Variants in NUMB observed in about 807,000 individuals in gnomAD.
NUMB encodes protein numb homolog.
A neutral mutation model predicts 59.7 loss-of-function variants in NUMB; 29 were observed. The ratio of observed to expected loss-of-function variants is 0.49; its 90% CI spans 0.36 to 0.66. The LOEUF (loss-of-function observed/expected upper bound fraction) is 0.66, where lower values mean the gene tolerates loss of function less well. Ranked by LOEUF, NUMB falls within the 30% of genes least tolerant of loss-of-function variation. The pLI is 0.00. For synonymous variants in NUMB, 288 were observed against 288.2 expected, an observed-to-expected ratio of 1.00 and a Z score of 0.01; for missense variants, 723 against 822.0, an observed-to-expected ratio of 0.88 and a Z score of 1.47.
intron 9 of NUMB, 199 bp from the exon 10 acceptor site, chr14:73,284,573 C>A (rs1888855527): frequency 2.0e-6 from 1 of 507,506 alleles, no homozygotes; most frequent in Non-Finnish European, 3.5e-6. Context: ...TGTCACAAAG[C>A]ATATCTACTA....
chr14:73,294,950 T>TTAAAAAAAAA (rs1419411157), intron 7 of NUMB, among the ~76,000 whole-genome samples: 2 of 24,374 alleles, frequency 8.2e-5, no homozygotes, highest in Admixed American at 7.8e-4. Context: ...AACCCATCTC[T>TTAAAAAAAAA]AAAAAAAAAA....
chr14:73,389,294 C>CAA lies in NUMB; in HGVS notation c.-101+20641_-101+20642dup, dbSNP rs202010932. On this transcript the variant is annotated intron_variant, in intron 2 of 12. Coordinates refer to ENST00000555238, the MANE Select transcript of NUMB (RefSeq NM_001005743.2). ...TCTCAAAAAAAAAAAAAAAAAAAAA[C>CAA]AAAAACAAAAACACTGGTCTCTGTT... is the stretch of plus-strand genomic sequence containing the variant. Among the ~76,000 whole-genome samples the CAA allele has an allele frequency of 1.0e-4, 8 of 77,254 alleles. 1 individual carries two copies. Among genetic ancestry groups the CAA allele is most frequent in the African/African-American group, 3.7e-4 (7 of 19,054 alleles). The allele number at this position is 77,254 out of a possible 152,430, so 50.7% of individuals were successfully genotyped here. A position where few individuals can be genotyped will look rare whatever the true frequency, so the allele number is the denominator to read the frequency against.
chr14:73,331,419 G>A (rs1313068365), intron 4 of NUMB, among the ~76,000 whole-genome samples: 1 of 152,060 alleles, frequency 6.6e-6, no homozygotes, highest in African/African-American at 2.4e-5. Flanking sequence ...GTGGTGGTGG[G>A]CACCTGTAGT....
intron 6 of NUMB, among the ~76,000 whole-genome samples, chr14:73,305,264 A>C (rs1306112238): frequency 6.6e-6 from 1 of 152,190 alleles, no homozygotes; most frequent in African/African-American, 2.4e-5. Context: ...ATTTACAAAA[A>C]CAAATACAGT....
intron 5 of NUMB, among the ~76,000 whole-genome samples, chr14:73,322,145 G>C (rs1037701974): frequency 6.6e-6 from 1 of 152,202 alleles, no homozygotes; most frequent in Non-Finnish European, 1.5e-5. Flanking sequence ...ATTTAATGCT[G>C]TTGGGACCAG....
chr14:73,287,195 T>C lies in NUMB; in HGVS notation c.570A>G (p.Thr190=). The C allele has an allele frequency of 6.2e-7, 1 of 1,613,882 alleles. No individual in the cohort carries two copies. Among genetic ancestry groups the C allele is most frequent in the Non-Finnish European group, 8.5e-7 (1 of 1,179,990 alleles). The part of the protein sequence containing the change: ...ATFDASRTTF[T]REGSFRVTTA... ...TTGTGACACGGAATGATCCTTCTCT[T>C]GTAAAAGTGGTCCGACTAGCATCAA... is the stretch of plus-strand genomic sequence containing the variant. The change falls in exon 9 of 13, where the codon ACA becomes ACG. Residue 190 remains threonine (T), a synonymous_variant. Coordinates refer to ENST00000555238, the MANE Select transcript of NUMB (RefSeq NM_001005743.2).
intron 2 of NUMB, among the ~76,000 whole-genome samples, chr14:73,371,693 T>A (rs1291808338): frequency 6.6e-6 from 1 of 151,998 alleles, no homozygotes; most frequent in Non-Finnish European, 1.5e-5. Context: ...TAAGGAGTGA[T>A]TAGGCCAGGA....
intron 6 of NUMB, among the ~76,000 whole-genome samples, chr14:73,312,380 T>TCAA (rs930334755): frequency 1.1e-4 from 17 of 151,910 alleles, no homozygotes; most frequent in East Asian, 1.9e-4. Flanking sequence ...GGACTCTGTC[T>TCAA]CAACAACAAC....
intron 2 of NUMB, among the ~76,000 whole-genome samples, chr14:73,369,674 C>G (rs975149390): frequency 1.3e-5 from 2 of 152,186 alleles, no homozygotes; most frequent in African/African-American, 4.8e-5. Context: ...ATGAGAAACA[C>G]ACTTAAAAGT....
chr14:73,415,511 T>A (rs1192596399), intron 1 of NUMB, among the ~76,000 whole-genome samples: 1 of 9,022 alleles, frequency 1.1e-4, no homozygotes, highest in Non-Finnish European at 1.6e-4. Context: ...TTCTTTTCTT[T>A]TTTTTTTTTT....
intron 2 of NUMB, among the ~76,000 whole-genome samples, chr14:73,393,186 A>G (rs1895942175): frequency 6.6e-6 from 1 of 152,232 alleles, no homozygotes; most frequent in Admixed American, 6.5e-5. Flanking sequence ...TAATCCTGAT[A>G]ATAATCTGAG....
chr14:73,331,297 G>A (rs992159030), intron 4 of NUMB, among the ~76,000 whole-genome samples: 1 of 152,222 alleles, frequency 6.6e-6, no homozygotes, highest in Non-Finnish European at 1.5e-5. Context: ...TGTAGTCCCA[G>A]CACTCTGGGA....
chr14:73,454,988 CT>C (rs769076307), intron 1 of NUMB, among the ~76,000 whole-genome samples: 57 of 152,102 alleles, frequency 3.7e-4, no homozygotes, highest in Admixed American at 5.9e-4. Flanking sequence ...AAAAGCTTTC[CT>C]TCTCGAAACT....
At chr14:73,326,135 G>A (rs539227411) in intron 4 of NUMB, among the ~76,000 whole-genome samples, 15 of 152,264 alleles carry the variant, frequency 9.9e-5, no homozygotes, top group Non-Finnish European at 2.1e-4. Context: ...GAAAGACCAT[G>A]AATTTGTTTG....
chr14:73,429,208 CA>C (rs1204949977), intron 1 of NUMB, among the ~76,000 whole-genome samples: 1 of 151,532 alleles, frequency 6.6e-6, no homozygotes, highest in African/African-American at 2.4e-5. Flanking sequence ...CATCTCTACT[CA>C]AAATACAAAA....
At chr14:73,439,806 T>C (rs988071338) in intron 1 of NUMB, among the ~76,000 whole-genome samples, 2 of 152,220 alleles carry the variant, frequency 1.3e-5, no homozygotes, top group African/African-American at 2.4e-5. Context: ...GAATCTTTTC[T>C]TCCTTTAAGT....
chr14:73,427,265 G>C (rs369666175), intron 1 of NUMB, among the ~76,000 whole-genome samples: 1 of 151,884 alleles, frequency 6.6e-6, no homozygotes, highest in Non-Finnish European at 1.5e-5. Context: ...GATCACCTGA[G>C]GTCAGAGACC....
chr14:73,362,602 C>A lies in NUMB; in HGVS notation c.-16+4295G>T, dbSNP rs117061513. ...GGACTACAGGTGCGCACCACCATGC[C>A]CAGCTATTTTTTGTAGAGACGGGGT... is the stretch of plus-strand genomic sequence containing the variant. On this transcript the variant is annotated intron_variant, in intron 3 of 12. Transcript: ENST00000555238. Among the ~76,000 whole-genome samples the A allele has an allele frequency of 6.8e-3, 1,034 of 151,944 alleles. 4 individuals carry two copies. The highest frequency in any genetic ancestry group is 0.029 in the South Asian group (139 of 4,802).
intron 6 of NUMB, among the ~76,000 whole-genome samples, chr14:73,305,173 A>G (rs989460437): frequency 2.0e-5 from 3 of 152,210 alleles, no homozygotes; most frequent in Non-Finnish European, 2.9e-5. Flanking sequence ...CTCTATTGCA[A>G]CTACTCAACT....
Sources: allele counts gnomAD v4.1 joint callset (sites outside exome capture counted in the v4.1 genomes callset), GRCh38; gene constraint gnomAD v4.1.1; transcripts MANE v1.5; gene names NCBI Gene and HGNC (gene_info 2026-07-23, HGNC 2026-07-21).